The following DEFB134 variants were observed in gnomAD, a reference collection of about 807,000 sequenced individuals.
DEFB134 encodes the protein beta-defensin 134.
DEFB134 carries 7 observed loss-of-function variants against 7.4 expected under a neutral mutation model. The observed-to-expected ratio is 0.95, with a 90% CI of 0.54 to 1.79. DEFB134 has a LOEUF of 1.79. DEFB134 is among the 40% of genes most tolerant of loss of function. The probability of loss-of-function intolerance (pLI) is 0.00; values close to 1 mark genes in which losing one functional copy is unlikely to be tolerated. For missense variants in DEFB134, 105 were observed against 74.8 expected (o/e 1.40, Z -1.49); for synonymous variants, 33 against 25.0 (o/e 1.32, Z -0.96).
chr8:11,996,266 G>C, exon 1 of DEFB134: 5 of 1,613,542 alleles, frequency 3.1e-6, no homozygotes, highest in East Asian at 2.2e-5. Context: ...GGGAACTTCT[G>C]TTAAGGAGGC....
chr8:11,998,759 C>A (rs34547277), upstream of DEFB134, among the ~76,000 whole-genome samples: 11 of 152,102 alleles, frequency 7.2e-5, no homozygotes, highest in Non-Finnish European at 1.5e-4. Flanking sequence ...AAAGTTGGCT[C>A]TTTAAAAGAA....
At chr8:11,996,127 T>C in intron 1 of DEFB134, 67 bp downstream of exon 2, 2 of 1,580,822 alleles carry the variant, frequency 1.3e-6, no homozygotes, top group Non-Finnish European at 1.7e-6. Context: ...GTATGTTTAT[T>C]GGGTTGTTTA....
In DEFB134 at chr8:11,994,128, A is replaced by G; in HGVS notation, c.59-6T>C. The G allele has an allele frequency of 1.2e-6, 2 of 1,608,900 alleles. No homozygotes were observed. Among genetic ancestry groups the G allele is most frequent in the Non-Finnish European group, 1.7e-6 (2 of 1,178,492 alleles). On this transcript the variant is annotated splice_region_variant and splice_polypyrimidine_tract_variant and intron_variant, in intron 1 of 1. Transcript: ENST00000526438. ...TGATGATAATGAATTTATACCTGGA[A>G]GGAAAATGAATAGAAAGATAATTCA...
upstream of DEFB134, among the ~76,000 whole-genome samples, chr8:11,998,109 A>G (rs536363097): frequency 5.9e-5 from 9 of 152,358 alleles, no homozygotes; most frequent in South Asian, 1.7e-3. Context: ...TATGCTCCTT[A>G]AAGACTTTTG....
At chr8:11,997,069 C>T (rs1800143494), upstream of DEFB134, among the ~76,000 whole-genome samples, 1 of 152,156 alleles carries the variant, frequency 6.6e-6, no homozygotes, top group South Asian at 2.1e-4. Context: ...TAATATTCCC[C>T]TCCTGATTCT....
At chr8:11,994,490 C>G (rs1469480343) in intron 1 of DEFB134, among the ~76,000 whole-genome samples, 1 of 152,130 alleles carries the variant, frequency 6.6e-6, no homozygotes. Flanking sequence ...AAAGCAAGCT[C>G]TCATCAGAAA....
At chr8:11,993,858 T>C (rs1800043080) in exon 2 of DEFB134, 4 of 1,326,498 alleles carry the variant, frequency 3.0e-6, no homozygotes, top group Non-Finnish European at 4.0e-6. Flanking sequence ...CCTATAAAAA[T>C]GCTAAAAACC....
At chr8:11,996,709 C>A (rs556778069), upstream of DEFB134, among the ~76,000 whole-genome samples, 11 of 152,278 alleles carry the variant, frequency 7.2e-5, no homozygotes, top group Non-Finnish European at 1.6e-4. Context: ...AAGAAAGTTT[C>A]ATTTATGCCT....
At chr8:11,998,994 G>T (rs1332445157), upstream of DEFB134, 1 of 152,468 alleles carries the variant, frequency 6.6e-6, no homozygotes, top group Non-Finnish European at 1.5e-5. Flanking sequence ...GAAAGAAATT[G>T]AATGCCTGAG....
upstream of DEFB134, among the ~76,000 whole-genome samples, chr8:11,998,369 T>A (rs765503020): frequency 2.0e-5 from 3 of 151,920 alleles, no homozygotes; most frequent in Non-Finnish European, 2.9e-5. Flanking sequence ...GAGAATTGCT[T>A]GCGCCTAAGG....
intron 1 of DEFB134, among the ~76,000 whole-genome samples, chr8:11,994,849 T>C (rs547718700): frequency 6.6e-6 from 1 of 152,172 alleles, no homozygotes; most frequent in Non-Finnish European, 1.5e-5. Context: ...AGAGAAGAAA[T>C]ACAAAATATC....
upstream of DEFB134, among the ~76,000 whole-genome samples, chr8:11,997,301 T>A (rs1276305873): frequency 6.6e-6 from 1 of 152,256 alleles, no homozygotes; most frequent in Admixed American, 6.5e-5. Context: ...TACATCTATG[T>A]GTTTATCCAG....
upstream of DEFB134, chr8:11,996,319 G>C: frequency 1.9e-6 from 3 of 1,574,850 alleles, no homozygotes; most frequent in Non-Finnish European, 2.6e-6. Flanking sequence ...ACAGAGAGAA[G>C]AGGTTGAGCA....
At chr8:11,995,585 A>G (rs1000288604) in intron 1 of DEFB134, among the ~76,000 whole-genome samples, 8 of 152,222 alleles carry the variant, frequency 5.3e-5, no homozygotes, top group African/African-American at 1.7e-4. Flanking sequence ...CTATCACATA[A>G]AGCTCAGTGA....
chr8:11,996,332 C>T, upstream of DEFB134: 6 of 1,504,252 alleles, frequency 4.0e-6, no homozygotes, highest in Non-Finnish European at 5.5e-6. Flanking sequence ...GTTGAGCACA[C>T]AGTCCTATAC....
exon 2 of DEFB134, chr8:11,993,881 C>T (rs1382921850): frequency 2.7e-6 from 4 of 1,485,782 alleles, no homozygotes; most frequent in Non-Finnish European, 3.6e-6. Flanking sequence ...TAGTCATGGA[C>T]ACATCATGGT....
chr8:11,993,925 A>T, exon 2 of DEFB134: 1 of 1,578,996 alleles, frequency 6.3e-7, no homozygotes, highest in Non-Finnish European at 8.6e-7. Flanking sequence ...TGGTTTTGTG[A>T]AAGATGGCAG....
At chr8:11,996,384 T>G (rs1245381014), upstream of DEFB134, 1 of 921,708 alleles carries the variant, frequency 1.1e-6, no homozygotes, top group Non-Finnish European at 1.7e-6. Flanking sequence ...CAGGTAGATA[T>G]GCTACACTGA....
At chr8:11,998,351 C>T (rs1046803614), upstream of DEFB134, among the ~76,000 whole-genome samples, 9 of 151,382 alleles carry the variant, frequency 5.9e-5, no homozygotes, top group Admixed American at 2.0e-4. Context: ...CTTGGGAGGT[C>T]GAGGTGGGAG....
Sources: allele counts gnomAD v4.1 joint callset (sites outside exome capture counted in the v4.1 genomes callset), GRCh38; gene constraint gnomAD v4.1.1; transcripts MANE v1.5; gene names NCBI Gene and HGNC (gene_info 2026-07-23, HGNC 2026-07-21).